NUDC: variants seen among roughly 807,000 people sequenced by gnomAD.
The protein encoded by NUDC is nuclear distribution C, dynein complex regulator, also known as nuclear migration protein nudC.
Under a neutral mutation model 45.0 loss-of-function variants are expected in NUDC, and 14 were observed. The ratio of observed to expected loss-of-function variants is 0.31; its 90% CI spans 0.21 to 0.49. NUDC has a LOEUF of 0.49. Among genes scored for constraint, NUDC ranks in the 20% least tolerant of loss-of-function variants. NUDC has a pLI of 0.99. For missense variants in NUDC, 323 were observed against 426.2 expected, an observed-to-expected ratio of 0.76 and a Z score of 2.13; for synonymous variants, 153 against 156.7, an observed-to-expected ratio of 0.98 and a Z score of 0.17.
chr1:26,938,596 G>A (rs2082253018), intron 2 of NUDC, among the ~76,000 whole-genome samples: 1 of 152,168 alleles, frequency 6.6e-6, no homozygotes, highest in African/African-American at 2.4e-5. Context: ...CTACTGTGGT[G>A]TGGCATGGGA....
At chr1:26,935,712 A>G (rs915322771) in intron 2 of NUDC, among the ~76,000 whole-genome samples, 2 of 151,934 alleles carry the variant, frequency 1.3e-5, no homozygotes, top group African/African-American at 4.8e-5. Context: ...TCTAGTCAAG[A>G]CATTTGTCTT....
upstream of NUDC, among the ~76,000 whole-genome samples, chr1:26,921,539 G>A (rs1188683560): frequency 6.6e-6 from 1 of 152,218 alleles, no homozygotes; most frequent in Non-Finnish European, 1.5e-5. Flanking sequence ...GGTGACCATA[G>A]CAACTCATGC....
At chr1:26,946,096 G>T in intron 8 of NUDC, 34 bp from the exon 9 acceptor site, 1 of 1,600,384 alleles carries the variant, frequency 6.2e-7, no homozygotes, top group Non-Finnish European at 8.6e-7. Flanking sequence ...AGAAGAGAAG[G>T]ATGAGCTGTT....
At chr1:26,909,711 T>C (rs2082017372) in intron 2 of NUDC, among the ~76,000 whole-genome samples, 1 of 151,664 alleles carries the variant, frequency 6.6e-6, no homozygotes, top group Non-Finnish European at 1.5e-5. Flanking sequence ...CTTGAAAGAG[T>C]GGTCTCATGT....
At chr1:26,908,222 C>T (rs1256685988) in intron 2 of NUDC, among the ~76,000 whole-genome samples, 4 of 151,988 alleles carry the variant, frequency 2.6e-5, no homozygotes, top group Non-Finnish European at 5.9e-5. Context: ...TCAGCCCAGA[C>T]CTTAAGTTAC....
At chr1:26,908,993 G>A (rs2082013943) in intron 2 of NUDC, among the ~76,000 whole-genome samples, 1 of 151,186 alleles carries the variant, frequency 6.6e-6, no homozygotes, top group Admixed American at 6.6e-5. Context: ...TAATTTTTTT[G>A]AGACAGAGTC....
intron 1 of NUDC, chr1:26,900,597 TC>T: frequency 1.5e-6 from 1 of 653,522 alleles, no homozygotes. Flanking sequence ...TCTTCTGTGT[TC>T]CTTTCCCACA....
chr1:26,926,558 A>G (rs886989183), intron 2 of NUDC, among the ~76,000 whole-genome samples: 1 of 151,904 alleles, frequency 6.6e-6, no homozygotes, highest in African/African-American at 2.4e-5. Flanking sequence ...ATACAAAAGC[A>G]CTTTTAGTTT....
intron 8 of NUDC, among the ~76,000 whole-genome samples, chr1:26,945,913 G>A (rs907101748): frequency 9.9e-5 from 15 of 152,134 alleles, no homozygotes; most frequent in Admixed American, 9.8e-4. Context: ...GTAACAGGCG[G>A]TCATTGCCAC....
intron 2 of NUDC, among the ~76,000 whole-genome samples, chr1:26,935,995 T>C (rs2082226433): frequency 6.8e-6 from 1 of 148,072 alleles, no homozygotes; most frequent in African/African-American, 2.5e-5. Context: ...TTTTTTGACT[T>C]GGAGTCTCTG....
At chr1:26,928,604 G>A (rs553218997) in intron 2 of NUDC, among the ~76,000 whole-genome samples, 4 of 152,180 alleles carry the variant, frequency 2.6e-5, no homozygotes, top group African/African-American at 9.7e-5. Context: ...GGCTGAGGTA[G>A]GAGGATTGCT....
intron 2 of NUDC, among the ~76,000 whole-genome samples, chr1:26,927,577 T>G (rs1271986597): frequency 2.6e-5 from 4 of 151,780 alleles, no homozygotes; most frequent in African/African-American, 9.7e-5. Context: ...TTCGTATTTT[T>G]AGTAGAGCCG....
chr1:26,941,093 T>G (rs2082272775), intron 2 of NUDC, among the ~76,000 whole-genome samples: 1 of 143,726 alleles, frequency 7.0e-6, no homozygotes, highest in African/African-American at 2.6e-5. Context: ...AGCTTTTTTT[T>G]TTTTTTTTTT....
chr1:26,921,870 G>C lies in NUDC; in HGVS notation c.22G>C (p.Glu8Gln), dbSNP rs1485419050. The C allele has an allele frequency of 1.3e-6, 2 of 1,554,650 alleles. No individual in the cohort carries two copies. The highest frequency in any genetic ancestry group is 3.9e-5 in the Admixed American group (2 of 51,368). Reference sequence around the variant, plus strand: ...CGCGATGGGCGGAGAGCAGGAGGAGGAGCGGTTCGACGGCATGTTGCTGGC... The same window carrying C: ...CGCGATGGGCGGAGAGCAGGAGGAGCAGCGGTTCGACGGCATGTTGCTGGC... The part of the protein sequence containing the change: MGGEQEE[E>Q]RFDGMLLAMA... The change falls in exon 1 of 9, where the codon GAG becomes CAG. Residue 8 changes from glutamate (E) to glutamine (Q), a missense_variant. Transcript: ENST00000321265.
intron 2 of NUDC, among the ~76,000 whole-genome samples, chr1:26,909,308 G>A (rs1421916218): frequency 1.3e-5 from 2 of 152,090 alleles, no homozygotes; most frequent in Admixed American, 6.6e-5. Flanking sequence ...GTAGAGGCAG[G>A]AGTCTCATTA....
intron 2 of NUDC, among the ~76,000 whole-genome samples, chr1:26,924,867 A>C (rs2082118469): frequency 6.7e-6 from 1 of 150,170 alleles, no homozygotes; most frequent in Non-Finnish European, 1.5e-5. Flanking sequence ...TTTTATTTTT[A>C]CTTTTATTTA....
chr1:26,939,515 C>T (rs1177420437), intron 2 of NUDC, among the ~76,000 whole-genome samples: 2 of 152,022 alleles, frequency 1.3e-5, no homozygotes, highest in Non-Finnish European at 2.9e-5. Flanking sequence ...TAGTCCCAGC[C>T]ACTGGGGAGG....
chr1:26,941,414 T>G (rs1177549978), intron 2 of NUDC, 43 bp from the exon 3 acceptor site: 3 of 1,599,438 alleles, frequency 1.9e-6, no homozygotes, highest in East Asian at 2.2e-5. Context: ...TGTGGGACAC[T>G]GTCCCCTGCT....
chr1:26,901,397 C>CTTTT (rs34988488), intron 1 of NUDC, among the ~76,000 whole-genome samples: 14 of 73,622 alleles, frequency 1.9e-4, no homozygotes, highest in African/African-American at 2.8e-4. Context: ...GCCTTTTTGT[C>CTTTT]TTTTTTTTTT....
Sources: gnomAD v4.1 joint callset for allele counts (sites outside exome capture counted in the v4.1 genomes callset) on GRCh38, gnomAD v4.1.1 for gene constraint, MANE v1.5 for transcripts, NCBI Gene and HGNC (gene_info 2026-07-23, HGNC 2026-07-21) for gene names.